RAP1GAP2: variants seen among roughly 807,000 people sequenced by gnomAD.
The protein encoded by RAP1GAP2 is rap1 GTPase-activating protein 2.
RAP1GAP2 carries 27 observed loss-of-function variants against 95.0 expected under a neutral mutation model. The ratio of observed to expected loss-of-function variants is 0.28; its 90% CI spans 0.21 to 0.39. RAP1GAP2 has a LOEUF of 0.39. Among genes scored for constraint, RAP1GAP2 ranks in the 10% least tolerant of loss-of-function variants. RAP1GAP2 has a pLI of 1.00. For missense variants in RAP1GAP2, 771 were observed against 970.0 expected (o/e 0.79, Z 2.72); for synonymous variants, 373 against 380.9 (o/e 0.98, Z 0.24).
chr17:2,795,130 G>A (rs1187446194), upstream of RAP1GAP2, among the ~76,000 whole-genome samples: 2 of 151,632 alleles, frequency 1.3e-5, no homozygotes, highest in Non-Finnish European at 2.9e-5. Context: ...CACCCGCGTT[G>A]GCCTCCCAAA....
chr17:2,835,436 G>T (rs1207908799), intron 2 of RAP1GAP2, among the ~76,000 whole-genome samples: 1 of 151,862 alleles, frequency 6.6e-6, no homozygotes, highest in Non-Finnish European at 1.5e-5. Flanking sequence ...GGCCAGGATG[G>T]TCTCGAACTC....
At chr17:3,009,555 A>C (rs1007917574) in intron 17 of RAP1GAP2, among the ~76,000 whole-genome samples, 4 of 152,172 alleles carry the variant, frequency 2.6e-5, no homozygotes, top group African/African-American at 9.7e-5. Flanking sequence ...CTTTGTTAAG[A>C]TTCCACCCGC....
At position 2,890,724 on chromosome 17, in the gene RAP1GAP2, A is replaced by G. The variant is rs557014121; in HGVS notation, c.81-14560A>G. 7.1e-4 allele frequency among the ~76,000 whole-genome samples: 103 copies of G among 145,568 alleles called. No homozygotes were observed. The South Asian group carries it at 0.012, about 17-fold the overall frequency. The stretch of plus-strand genomic sequence containing the variant: ...TTTTGAGACAGAGTCTTGCTCTGTC[A>G]CCCAGGCTGGAGTGCAGTGGCGCAA... On this transcript the variant is annotated intron_variant, in intron 2 of 24. Coordinates refer to ENST00000254695, the MANE Select transcript of RAP1GAP2 (RefSeq NM_015085.5).
intron 2 of RAP1GAP2, among the ~76,000 whole-genome samples, chr17:2,848,317 C>T (rs983837706): frequency 1.3e-5 from 2 of 152,062 alleles, no homozygotes; most frequent in Non-Finnish European, 2.9e-5. Context: ...TTGGGCTGAG[C>T]TGAGGTTTCC....
intron 8 of RAP1GAP2, among the ~76,000 whole-genome samples, chr17:2,979,719 C>T (rs1440782666): frequency 6.6e-6 from 1 of 151,602 alleles, no homozygotes; most frequent in African/African-American, 2.4e-5. Flanking sequence ...CCCTCTTTGG[C>T]TTCCCAAAGT....
intron 3 of RAP1GAP2, among the ~76,000 whole-genome samples, chr17:2,905,803 G>T (rs1297221064): frequency 6.6e-6 from 1 of 152,194 alleles, no homozygotes; most frequent in Admixed American, 6.5e-5. Flanking sequence ...AGTCCCCATG[G>T]AAGGGTTGGC....
chr17:2,943,692 C>CA (rs2043591683), intron 3 of RAP1GAP2, among the ~76,000 whole-genome samples: 1 of 151,214 alleles, frequency 6.6e-6, no homozygotes, highest in Non-Finnish European at 1.5e-5. Context: ...AAAAAACAAA[C>CA]AAAAACCAAA....
At chr17:2,891,562 A>C (rs9907411) in intron 2 of RAP1GAP2, among the ~76,000 whole-genome samples, 2 of 148,794 alleles carry the variant, frequency 1.3e-5, no homozygotes, top group East Asian at 2.0e-4. Flanking sequence ...TCTTTCCCCC[A>C]GGAGATCTCA....
At chr17:2,878,057 T>G (rs2073156029) in intron 2 of RAP1GAP2, among the ~76,000 whole-genome samples, 1 of 152,190 alleles carries the variant, frequency 6.6e-6, no homozygotes, top group East Asian at 1.9e-4. Flanking sequence ...TACACTTTCA[T>G]GGACACACGC....
rs1466583199 is a variant in RAP1GAP2, at chr17:2,797,055, G to A, written c.44+484G>A. On this transcript the variant is annotated intron_variant, in intron 1 of 24. Transcript: ENST00000254695. The surrounding 1 kb of genome is among the most constrained non-coding windows in gnomAD (Gnocchi z 5.6). Reference sequence around the variant, plus strand: ...CTTCTGGCCTTCTGTGTCTGTGTGTGCTTGTGTCTGCGTGTTTGTGTGTGT... The same window carrying A: ...CTTCTGGCCTTCTGTGTCTGTGTGTACTTGTGTCTGCGTGTTTGTGTGTGT... Among the ~76,000 whole-genome samples the A allele has an allele frequency of 9.9e-5, 15 of 152,146 alleles. No individual in the cohort carries two copies. Among genetic ancestry groups the A allele is most frequent in the Admixed American group, 9.8e-4 (15 of 15,278 alleles).
intron 11 of RAP1GAP2, among the ~76,000 whole-genome samples, chr17:2,987,961 C>G (rs989998523): frequency 6.6e-6 from 1 of 152,214 alleles, no homozygotes; most frequent in African/African-American, 2.4e-5. Flanking sequence ...GCTGTTTGTA[C>G]ATCCTGCTAC....
At chr17:2,991,053 C>T (rs912824642) in intron 11 of RAP1GAP2, among the ~76,000 whole-genome samples, 6 of 151,922 alleles carry the variant, frequency 3.9e-5, no homozygotes, top group Non-Finnish European at 4.4e-5. Flanking sequence ...CCATGTTGGC[C>T]AGGCTGGTCT....
rs528236519 is a variant in RAP1GAP2 at position 3,032,465 on chromosome 17, G to A, written c.*30+16G>A. ...CCTGTCCAAGGTGGGTTGAGTGAAT[G>A]TCCTGCTGTGGCCGTGAGGGGGGAC... On this transcript the variant is annotated intron_variant, in intron 24 of 24. Coordinates refer to ENST00000254695, the MANE Select transcript of RAP1GAP2 (RefSeq NM_015085.5). The A allele has an allele frequency of 3.1e-6, 5 of 1,611,496 alleles. No homozygotes were observed. The highest frequency in any genetic ancestry group is 4.2e-6 in the Non-Finnish European group (5 of 1,177,654).
intron 2 of RAP1GAP2, among the ~76,000 whole-genome samples, chr17:2,844,261 C>T (rs562028509): frequency 6.6e-6 from 1 of 152,272 alleles, no homozygotes; most frequent in African/African-American, 2.4e-5. Context: ...ACCTCGTGAT[C>T]TGCCCGCCTC....
In RAP1GAP2 at chr17:2,796,610, G is replaced by A. The variant is rs2069093668; in HGVS notation, c.44+39G>A. ...GGGAGGGTGGGGGAATGATGGGAGA[G>A]AACTTAGAAGTGAAGTCTTGTTAAG... On this transcript the variant is annotated intron_variant, in intron 1 of 24. Coordinates refer to ENST00000254695, the MANE Select transcript of RAP1GAP2 (RefSeq NM_015085.5). The surrounding 1 kb of genome is among the most constrained non-coding windows in gnomAD (Gnocchi z 4.7). 1.3e-6 allele frequency: 2 copies of A among 1,549,878 alleles called. No homozygotes were observed. The highest frequency in any genetic ancestry group is 1.7e-6 in the Non-Finnish European group (2 of 1,145,138).
rs377494350 is a variant in RAP1GAP2, at chr17:2,896,663, C to T, written c.81-8621C>T. 1.6e-4 allele frequency among the ~76,000 whole-genome samples: 25 copies of T among 152,180 alleles called. 1 individual carries two copies. The highest frequency in any genetic ancestry group is 4.1e-4 in the South Asian group (2 of 4,834). ...TGTGCACGAGGGGGCCCCAGGTGCCCCCAACCACAGGGCTGTGGAGGGGCT... is the reference window on the plus strand; with the variant it reads ...TGTGCACGAGGGGGCCCCAGGTGCCTCCAACCACAGGGCTGTGGAGGGGCT... On this transcript the variant is annotated intron_variant, in intron 2 of 24. Coordinates refer to ENST00000254695, the MANE Select transcript of RAP1GAP2 (RefSeq NM_015085.5).
Position 2,857,482 on chromosome 17 carries a change from G to A in RAP1GAP2, c.81-47802G>A, listed in dbSNP as rs564247774. On this transcript the variant is annotated intron_variant, in intron 2 of 24. Coordinates refer to ENST00000254695, the MANE Select transcript of RAP1GAP2 (RefSeq NM_015085.5). This position sits in a 1 kb window ranked among gnomAD's most constrained non-coding sequence, Gnocchi z 4.0. ...CAATTTCCGTTTTCGAGAAATGGGC[G>A]TGGTGATCATCATGTTGGACTTGAC... Among the ~76,000 whole-genome samples the A allele has an allele frequency of 1.3e-5, 2 of 152,320 alleles. No individual in the cohort carries two copies. Among genetic ancestry groups the A allele is most frequent in the African/African-American group, 4.8e-5 (2 of 41,564 alleles).
upstream of RAP1GAP2, among the ~76,000 whole-genome samples, chr17:2,795,298 G>A (rs1427880438): frequency 2.0e-5 from 3 of 151,940 alleles, no homozygotes; most frequent in Non-Finnish European, 2.9e-5. Context: ...TGTAGTGTAC[G>A]TGCCACATCC....
chr17:2,893,735 C>T (rs2073795887), intron 2 of RAP1GAP2, among the ~76,000 whole-genome samples: 1 of 152,126 alleles, frequency 6.6e-6, no homozygotes, highest in Non-Finnish European at 1.5e-5. Context: ...CCAGGCAGTG[C>T]CAGGCAGAGC....
Sources: allele counts gnomAD v4.1 joint callset (sites outside exome capture counted in the v4.1 genomes callset), GRCh38; gene constraint gnomAD v4.1.1; non-coding constraint Gnocchi (gnomAD v3.1); transcripts MANE v1.5; gene names NCBI Gene and HGNC (gene_info 2026-07-23, HGNC 2026-07-21).